Variants in TSNARE1 observed in about 807,000 individuals in gnomAD.
TSNARE1 encodes the protein t-SNARE domain containing 1, also known as t-SNARE domain-containing protein 1.
Under a neutral mutation model 62.0 loss-of-function variants are expected in TSNARE1, and 49 were observed. The observed-to-expected ratio is 0.79, with a 90% confidence interval of 0.63 to 1.00. The LOEUF (loss-of-function observed/expected upper bound fraction) is 1.00. Ranked by LOEUF, TSNARE1 falls within the 50% of genes least tolerant of loss-of-function variation. TSNARE1 has a pLI of 0.00. For missense variants in TSNARE1, 755 were observed against 700.1 expected, an observed-to-expected ratio of 1.08 and a Z score of -0.88; for synonymous variants, 328 against 294.4, an observed-to-expected ratio of 1.11 and a Z score of -1.17.
chr8:142,357,370 G>C (rs1586999989), intron 1 of TSNARE1, among the ~76,000 whole-genome samples: 3 of 152,364 alleles, frequency 2.0e-5, no homozygotes, highest in South Asian at 4.1e-4. Context: ...GGGGCTCTGA[G>C]CACAGGGCAC....
chr8:142,314,698 C>A (rs1041801671), intron 8 of TSNARE1, among the ~76,000 whole-genome samples: 1 of 152,236 alleles, frequency 6.6e-6, no homozygotes, highest in Non-Finnish European at 1.5e-5. Context: ...CCTCTGTCCA[C>A]GCGTGGGAGC....
At chr8:142,343,831 G>A (rs1832970197) in intron 4 of TSNARE1, 135 bp downstream of exon 4, 1 of 553,924 alleles carries the variant, frequency 1.8e-6, no homozygotes, top group Non-Finnish European at 2.6e-6. Context: ...GAGGAGGGGA[G>A]AGGGGAAGGG....
intron 1 of TSNARE1, among the ~76,000 whole-genome samples, chr8:142,369,027 C>T (rs1202002928): frequency 1.3e-5 from 2 of 152,184 alleles, no homozygotes; most frequent in South Asian, 2.1e-4. Context: ...GTGAAACCCC[C>T]GCTCCCCAGA....
chr8:142,238,603 A>G (rs1317021388), intron 12 of TSNARE1, among the ~76,000 whole-genome samples: 1 of 150,664 alleles, frequency 6.6e-6, no homozygotes, highest in Admixed American at 6.6e-5. Context: ...TCTCCCCTCC[A>G]CGCCATTCTC....
At chr8:142,277,511 G>A (rs372375550) in intron 11 of TSNARE1, 4 of 985,340 alleles carry the variant, frequency 4.1e-6, no homozygotes, top group Admixed American at 6.1e-5. Context: ...TGGCCGGCTC[G>A]GGGCAACTGG....
chr8:142,257,946 A>G lies in TSNARE1; in HGVS notation c.1446+16835T>C, dbSNP rs192290835. 4.0e-3 allele frequency among the ~76,000 whole-genome samples: 602 copies of G among 152,132 alleles called. 6 individuals carry two copies. Among genetic ancestry groups the G allele is most frequent in the Middle Eastern group, 6.8e-3 (2 of 294 alleles). ...AGCACGCATACGCACACAACACCCA[A>G]GCTCACACACACACACACCACCCGT... On this transcript the variant is annotated intron_variant, in intron 12 of 13. Transcript: ENST00000524325.
At chr8:142,317,637 T>A (rs1034483627) in intron 7 of TSNARE1, among the ~76,000 whole-genome samples, 7 of 152,124 alleles carry the variant, frequency 4.6e-5, no homozygotes, top group African/African-American at 1.7e-4. Flanking sequence ...CCTGGTGTGG[T>A]GGAGCGGAGG....
intron 13 of TSNARE1, among the ~76,000 whole-genome samples, chr8:142,223,727 C>G (rs1458808122): frequency 6.6e-6 from 1 of 152,252 alleles, no homozygotes; most frequent in South Asian, 2.1e-4. Flanking sequence ...AGTTCACAGA[C>G]AAGTCAACAG....
chr8:142,256,219 A>C, intron 12 of TSNARE1, among the ~76,000 whole-genome samples: 1 of 137,266 alleles, frequency 7.3e-6, no homozygotes. Context: ...CACCATCACC[A>C]TCACTATCAC....
intron 1 of TSNARE1, among the ~76,000 whole-genome samples, chr8:142,365,356 A>T (rs1835455510): frequency 6.6e-6 from 1 of 152,252 alleles, no homozygotes; most frequent in South Asian, 2.1e-4. Context: ...TAAAACCAAC[A>T]CAGGATCTGG....
chr8:142,318,522 GC>G (rs1360392557), intron 7 of TSNARE1, 21 bp downstream of exon 7: 1 of 1,608,162 alleles, frequency 6.2e-7, no homozygotes, highest in Non-Finnish European at 8.5e-7. Context: ...CTCCCTCCCA[GC>G]CCCAGACCCC....
intron 7 of TSNARE1, among the ~76,000 whole-genome samples, 153 bp downstream of exon 7, chr8:142,318,391 T>C (rs4514123): frequency 0.32 from 48,468 of 152,094 alleles, 10,080 homozygotes; most frequent in African/African-American, 0.58. Flanking sequence ...TTCTGAGCCA[T>C]GGAGCCATGG....
chr8:142,322,946 C>T (rs890344820), intron 6 of TSNARE1, among the ~76,000 whole-genome samples: 9 of 148,024 alleles, frequency 6.1e-5, no homozygotes, highest in Non-Finnish European at 1.0e-4. Context: ...CCGGCCTTAC[C>T]GTGTCCGTGG....
chr8:142,310,233 A>G (rs1161687595), intron 9 of TSNARE1, among the ~76,000 whole-genome samples: 1 of 152,222 alleles, frequency 6.6e-6, no homozygotes, highest in Non-Finnish European at 1.5e-5. Context: ...TGCATATATT[A>G]CTACATAACA....
At chr8:142,271,687 A>C (rs887824746) in intron 12 of TSNARE1, 1 of 1,373,398 alleles carries the variant, frequency 7.3e-7, no homozygotes, top group Non-Finnish European at 9.4e-7. Context: ...CGTCCTCCTC[A>C]TCAGCTAACA....
At chr8:142,318,461 C>T in intron 7 of TSNARE1, 83 bp downstream of exon 7, 3 of 1,377,166 alleles carry the variant, frequency 2.2e-6, no homozygotes, top group Non-Finnish European at 3.0e-6. Flanking sequence ...CTGTATCCTG[C>T]CTCGTGTGAC....
Position 142,330,898 on chromosome 8 carries a change from C to T in TSNARE1, c.893+3G>A. ...AAAGAGATACCATGGCCCACACACT[C>T]ACAGGCTGTCCCGAAGCTCCTGCGT... is the stretch of plus-strand genomic sequence containing the variant. On this transcript the variant is annotated splice_donor_region_variant and intron_variant, in intron 6 of 13. Coordinates refer to ENST00000524325, the MANE Select transcript of TSNARE1 (RefSeq NM_145003.5). The T allele has an allele frequency of 6.2e-7, 1 of 1,614,080 alleles. No homozygotes were observed. Among genetic ancestry groups the T allele is most frequent in the Middle Eastern group, 1.7e-4 (1 of 6,060 alleles).
chr8:142,243,949 A>C (rs1481838072), intron 12 of TSNARE1, among the ~76,000 whole-genome samples: 1 of 152,230 alleles, frequency 6.6e-6, no homozygotes, highest in Non-Finnish European at 1.5e-5. Context: ...GCAATTTGGG[A>C]GGCCGAGGCA....
chr8:142,293,419 T>TTC (rs1437599700), intron 10 of TSNARE1, among the ~76,000 whole-genome samples: 2 of 152,136 alleles, frequency 1.3e-5, no homozygotes, highest in African/African-American at 4.8e-5. Context: ...CAGGCCTGAG[T>TTC]TCTCGCCAGG....
Sources: gnomAD v4.1 joint callset for allele counts (sites outside exome capture counted in the v4.1 genomes callset) on GRCh38, gnomAD v4.1.1 for gene constraint, MANE v1.5 for transcripts, NCBI Gene and HGNC (gene_info 2026-07-23, HGNC 2026-07-21) for gene names.